WDR93: variants seen among roughly 807,000 people sequenced by gnomAD.
WDR93 encodes WD repeat-containing protein 93.
A neutral mutation model predicts 82.9 loss-of-function variants in WDR93; 73 were observed. The ratio of observed to expected loss-of-function variants is 0.88; its 90% confidence interval spans 0.73 to 1.07. The LOEUF (loss-of-function observed/expected upper bound fraction) is 1.07. WDR93 is among the 50% of genes least tolerant of loss of function. WDR93 has a pLI of 0.00. For missense variants in WDR93, 738 were observed against 826.0 expected (o/e 0.89, Z 1.31); for synonymous variants, 283 against 300.1 (o/e 0.94, Z 0.59).
intron 4 of WDR93, among the ~76,000 whole-genome samples, chr15:89,707,666 T>C (rs1965783046): frequency 6.6e-6 from 1 of 152,178 alleles, no homozygotes; most frequent in African/African-American, 2.4e-5. Flanking sequence ...TTGGCAAAGA[T>C]ATGCAACAAT....
chr15:89,704,954 T>C (rs541699360), intron 3 of WDR93: 2 of 154,388 alleles, frequency 1.3e-5, no homozygotes, highest in South Asian at 4.1e-4. Flanking sequence ...TATATTATAG[T>C]ATAGAGAGGC....
chr15:89,702,133 CT>C, intron 2 of WDR93, 84 bp downstream of exon 2: 1 of 1,420,900 alleles, frequency 7.0e-7, no homozygotes, highest in Non-Finnish European at 9.4e-7. Flanking sequence ...GAAGGAATTC[CT>C]ACTAGAAAGC....
At chr15:89,743,143 C>G (rs1967808441) in intron 16 of WDR93, 149 bp from the exon 17 acceptor site, 1 of 706,012 alleles carries the variant, frequency 1.4e-6, no homozygotes, top group Non-Finnish European at 2.4e-6. Flanking sequence ...TGCTGTGTAC[C>G]AGGCTGAGCC....
intron 13 of WDR93, among the ~76,000 whole-genome samples, chr15:89,734,755 C>T (rs778727096): frequency 4.4e-4 from 67 of 152,180 alleles, no homozygotes; most frequent in South Asian, 1.0e-3. Flanking sequence ...GAGGCCAAGG[C>T]GGGTGGACCA....
intron 14 of WDR93, among the ~76,000 whole-genome samples, chr15:89,736,026 C>T (rs1474272206): frequency 1.3e-5 from 2 of 152,030 alleles, no homozygotes; most frequent in East Asian, 1.9e-4. Context: ...GAGGCTGGGG[C>T]GGGAAGACAG....
intron 13 of WDR93, among the ~76,000 whole-genome samples, chr15:89,735,283 T>A (rs1163876501): frequency 6.6e-6 from 1 of 152,216 alleles, no homozygotes; most frequent in African/African-American, 2.4e-5. Context: ...CATTACCATA[T>A]TATATTTCAT....
rs781064825 is a variant in WDR93 at position 89,731,411 on chromosome 15, G to GT, written c.1211-32_1211-31insT. On this transcript the variant is annotated intron_variant, in intron 11 of 16. Transcript: ENST00000268130. ...AGTGATGGGTAGGTGCAGAGTCTGGGGGAACCGGTTGAGTATTGTCCTTCC... is the reference window on the plus strand; with the variant it reads ...AGTGATGGGTAGGTGCAGAGTCTGGGTGGAACCGGTTGAGTATTGTCCTTCC... 1.9e-6 allele frequency: 3 copies of GT among 1,613,124 alleles called. No individual in the cohort carries two copies. In the Admixed American group the frequency reaches 5.0e-5, roughly 27 times the overall value.
At chr15:89,726,274 T>C (rs79781638) in intron 8 of WDR93, among the ~76,000 whole-genome samples, 5,229 of 152,294 alleles carry the variant, frequency 0.034, 111 homozygotes, top group Non-Finnish European at 0.055. Flanking sequence ...CAACCCAGAT[T>C]GCTGGGCCCC....
At chr15:89,732,967 C>T in intron 12 of WDR93, 39 bp from the exon 13 acceptor site, 1 of 1,600,456 alleles carries the variant, frequency 6.2e-7, no homozygotes, top group South Asian at 1.1e-5. Context: ...TCCTCCCCTA[C>T]CCCGTTTTCT....
intron 5 of WDR93, among the ~76,000 whole-genome samples, chr15:89,712,559 C>G (rs1966040678): frequency 6.6e-6 from 1 of 151,918 alleles, no homozygotes; most frequent in African/African-American, 2.4e-5. Context: ...TGTAGAATGT[C>G]CCTCAATTTC....
At chr15:89,724,946 G>A (rs1172000479) in intron 8 of WDR93, among the ~76,000 whole-genome samples, 1 of 152,192 alleles carries the variant, frequency 6.6e-6, no homozygotes, top group Non-Finnish European at 1.5e-5. Context: ...CTATGACACA[G>A]TATTTACACT....
intron 16 of WDR93, among the ~76,000 whole-genome samples, chr15:89,743,003 G>T (rs1172425760): frequency 6.6e-6 from 1 of 152,188 alleles, no homozygotes. Context: ...ATGTTCCGTT[G>T]TGTGTAATAC....
intron 4 of WDR93, 92 bp from the exon 5 acceptor site, chr15:89,711,934 C>A: frequency 1.1e-6 from 1 of 878,890 alleles, no homozygotes; most frequent in Non-Finnish European, 1.7e-6. Context: ...TTAAAAGGAT[C>A]TCTGTTCCTG....
At position 89,738,122 on chromosome 15, in the gene WDR93, C is replaced by T. The variant is rs373980931; in HGVS notation, c.1847C>T (p.Pro616Leu). The change falls in exon 16 of 17, where the codon CCA becomes CTA. Residue 616 changes from proline to leucine, a missense_variant. Pro to Leu is a moderately conservative substitution (Grantham distance 98). Transcript: ENST00000268130. ...TTCTATTTTAATTTTGAGGCCTGCC[C>T]ACTCCTGGAAAATATCTCAAAAAAT... ...SVFYFNFEAC[P>L]LLENISKNCT... 6.2e-6 allele frequency: 10 copies of T among 1,614,040 alleles called. 1 individual carries two copies. The highest frequency in any genetic ancestry group is 4.5e-5 in the East Asian group (2 of 44,898).
rs569295657 is a variant in WDR93, at chr15:89,690,814, C to A, written c.-84C>A. 2 of 559,942 alleles carry A rather than the reference C, an allele frequency of 3.6e-6. No individual in the cohort carries two copies. The highest frequency in any genetic ancestry group is 6.4e-6 in the Non-Finnish European group (2 of 314,690). The allele number at this position is 559,942 out of a possible 1,614,324, so 34.7% of individuals were successfully genotyped here. A position where few individuals can be genotyped will look rare whatever the true frequency, so the allele number is the denominator to read the frequency against. ...CAACTTCGCGGACTTCCGGTTCAAG[C>A]CGGAAGTTGTGGTTACCAAGGCGAC... On this transcript the variant is annotated 5_prime_UTR_variant, in exon 1 of 17. Transcript: ENST00000268130.
At chr15:89,713,270 A>G (rs1200617305) in intron 5 of WDR93, among the ~76,000 whole-genome samples, 3 of 152,066 alleles carry the variant, frequency 2.0e-5, no homozygotes, top group Non-Finnish European at 4.4e-5. Flanking sequence ...GTTTCTCTTT[A>G]ATGTTTTACC....
intron 9 of WDR93, 24 bp downstream of exon 9, chr15:89,727,352 G>C: frequency 6.2e-7 from 1 of 1,610,950 alleles, no homozygotes; most frequent in Non-Finnish European, 8.5e-7. Flanking sequence ...TCCCGGGAAA[G>C]CCAGGGAGCA....
At chr15:89,738,582 G>A (rs186044754) in intron 16 of WDR93, among the ~76,000 whole-genome samples, 5 of 140,968 alleles carry the variant, frequency 3.5e-5, no homozygotes, top group East Asian at 2.1e-4. Context: ...AGCCAAGATC[G>A]CACCACTGCA....
chr15:89,695,813 C>CTTTTTT lies in WDR93; in HGVS notation c.-41+4972_-41+4977dup, dbSNP rs58664153. Among the ~76,000 whole-genome samples the CTTTTTT allele has an allele frequency of 3.0e-4, 30 of 99,318 alleles. 2 individuals carry two copies. Among genetic ancestry groups the CTTTTTT allele is most frequent in the South Asian group, 7.5e-4 (2 of 2,680 alleles). 65.2% of individuals were successfully genotyped at this position (99,318 alleles called of 152,430 possible). On this transcript the variant is annotated intron_variant, in intron 1 of 16. Transcript: ENST00000268130. The stretch of plus-strand genomic sequence containing the variant: ...CTCCAAAAAACTCCCTCATGCTGTC[C>CTTTTTT]TTTTTTTTTTTTTTTTTTTTTGAGA...
Sources: allele counts gnomAD v4.1 joint callset (sites outside exome capture counted in the v4.1 genomes callset), GRCh38; gene constraint gnomAD v4.1.1; transcripts MANE v1.5; gene names NCBI Gene and HGNC (gene_info 2026-07-23, HGNC 2026-07-21).